SCFD2: variants seen among roughly 807,000 people sequenced by gnomAD.
The protein encoded by SCFD2 is sec1 family domain containing 2, also known as sec1 family domain-containing protein 2.
In SCFD2, 54 loss-of-function variants were observed where a neutral mutation model predicts 58.9. The ratio of observed to expected loss-of-function variants is 0.92; its 90% confidence interval spans 0.74 to 1.15. SCFD2 has a LOEUF of 1.15. Ranked by LOEUF, SCFD2 falls within the 50% of genes most tolerant of loss-of-function variation. The pLI is 0.00. For missense variants in SCFD2, 805 were observed against 836.6 expected (o/e 0.96, Z 0.47); for synonymous variants, 321 against 335.9 (o/e 0.96, Z 0.49).
chr4:53,172,472 G>A (rs1382799361), intron 4 of SCFD2, among the ~76,000 whole-genome samples: 2 of 152,088 alleles, frequency 1.3e-5, no homozygotes, highest in African/African-American at 4.8e-5. Flanking sequence ...TGATATAGGT[G>A]TTTATTGCTA....
chr4:53,223,487 T>C (rs931929620), intron 4 of SCFD2, among the ~76,000 whole-genome samples: 9 of 152,218 alleles, frequency 5.9e-5, no homozygotes, highest in African/African-American at 2.2e-4. Context: ...AGTCACACCC[T>C]GCCATGTGAG....
chr4:53,351,022 TTC>T (rs1372089038), intron 2 of SCFD2, among the ~76,000 whole-genome samples: 1 of 152,200 alleles, frequency 6.6e-6, no homozygotes, highest in East Asian at 1.9e-4. Flanking sequence ...AAGTCAAACA[TTC>T]TGGACTCATT....
At chr4:52,937,547 T>C (rs944140030) in intron 5 of SCFD2, among the ~76,000 whole-genome samples, 3 of 152,134 alleles carry the variant, frequency 2.0e-5, no homozygotes, top group African/African-American at 7.2e-5. Context: ...GTCTCCTCCA[T>C]CCCTTCCCGA....
intron 7 of SCFD2, among the ~76,000 whole-genome samples, chr4:52,898,782 G>A (rs1265819901): frequency 1.3e-5 from 2 of 152,172 alleles, no homozygotes; most frequent in South Asian, 2.1e-4. Context: ...TATTGTGTGG[G>A]AGTCTAAGTC....
intron 2 of SCFD2, among the ~76,000 whole-genome samples, chr4:53,327,203 G>A (rs1733229962): frequency 6.6e-6 from 1 of 152,006 alleles, no homozygotes; most frequent in Non-Finnish European, 1.5e-5. Flanking sequence ...ACAAGGTGTT[G>A]GGATCCAAGC....
rs534155894 is a variant in SCFD2, at chr4:53,207,264, T to C, written c.1312-61682A>G. Among the ~76,000 whole-genome samples the C allele has an allele frequency of 4.0e-5, 6 of 148,182 alleles. No individual in the cohort carries two copies. The South Asian group carries it at 8.5e-4, about 21-fold the overall frequency. ...AACCTATGAACTTTTGGGGGACACA[T>C]TCAAACCACAGCACTGACAAAACCT... On this transcript the variant is annotated intron_variant, in intron 4 of 8. Transcript: ENST00000401642.
chr4:52,938,086 C>A (rs923438200), intron 5 of SCFD2, among the ~76,000 whole-genome samples: 9 of 152,180 alleles, frequency 5.9e-5, no homozygotes, highest in Non-Finnish European at 1.0e-4. Context: ...CTGCATCACA[C>A]TTCCTCTGCA....
At chr4:53,295,828 T>C (rs1175191083) in intron 3 of SCFD2, among the ~76,000 whole-genome samples, 2 of 152,242 alleles carry the variant, frequency 1.3e-5, no homozygotes, top group Admixed American at 1.3e-4. Flanking sequence ...CATAGTTTAT[T>C]GAGAGTTTTT....
At chr4:52,891,982 T>A (rs1718888583) in intron 7 of SCFD2, among the ~76,000 whole-genome samples, 1 of 152,242 alleles carries the variant, frequency 6.6e-6, no homozygotes, top group South Asian at 2.1e-4. Context: ...CATCCTCCCT[T>A]GGTGGCCCTG....
At chr4:53,265,916 T>C (rs1460892358) in intron 4 of SCFD2, among the ~76,000 whole-genome samples, 1 of 151,882 alleles carries the variant, frequency 6.6e-6, no homozygotes, top group African/African-American at 2.4e-5. Context: ...ATTTTTTTTT[T>C]TCATTTTTAG....
chr4:53,137,076 T>C (rs1479608480), intron 5 of SCFD2, among the ~76,000 whole-genome samples: 1 of 152,198 alleles, frequency 6.6e-6, no homozygotes, highest in Non-Finnish European at 1.5e-5. Context: ...AATGTACATT[T>C]TCACTTTCTA....
At chr4:53,337,834 T>C (rs1359194489) in intron 2 of SCFD2, among the ~76,000 whole-genome samples, 2 of 152,314 alleles carry the variant, frequency 1.3e-5, no homozygotes, top group Middle Eastern at 6.8e-3. Context: ...AATTTGTGCA[T>C]TTCTCAATTT....
At chr4:53,323,355 A>G in intron 2 of SCFD2, among the ~76,000 whole-genome samples, 1 of 152,020 alleles carries the variant, frequency 6.6e-6, no homozygotes, top group East Asian at 1.9e-4. Flanking sequence ...TGAGGAGAGA[A>G]GAATATACAG....
At chr4:53,267,375 G>A (rs998588029) in intron 4 of SCFD2, among the ~76,000 whole-genome samples, 31 of 152,256 alleles carry the variant, frequency 2.0e-4, no homozygotes, top group African/African-American at 5.3e-4. Context: ...ACTAATGGAT[G>A]AGTATATACT....
At position 52,873,995 on chromosome 4, in the gene SCFD2, G is replaced by T. The variant is rs375179896; in HGVS notation, c.2029C>A (p.Arg677=). Residue 677 remains arginine, a synonymous_variant, in exon 9 of 9, where the codon CGA becomes AGA. Transcript: ENST00000401642. ...CAGAAGCCAAGGTCTGGATGCAGTC[G>T]GTCAGTTGCAAATAACAGCTCAGGA... ...NIPELLFATD[R]LHPDLGF is the part of the protein sequence containing the mutation. The T allele has an allele frequency of 1.2e-6, 2 of 1,613,772 alleles. No homozygotes were observed. The highest frequency in any genetic ancestry group is 2.7e-5 in the African/African-American group (2 of 74,874).
intron 2 of SCFD2, among the ~76,000 whole-genome samples, chr4:53,336,610 G>A (rs187427853): frequency 1.1e-4 from 17 of 151,872 alleles, no homozygotes; most frequent in Admixed American, 5.9e-4. Flanking sequence ...CCGTAGCCTC[G>A]AACTCCTGGG....
At chr4:53,057,426 T>C (rs1002784036) in intron 5 of SCFD2, among the ~76,000 whole-genome samples, 10 of 152,098 alleles carry the variant, frequency 6.6e-5, no homozygotes, top group Non-Finnish European at 5.9e-5. Context: ...CTGGAAGCCA[T>C]CATCCTCAGC....
intron 4 of SCFD2, among the ~76,000 whole-genome samples, chr4:53,186,384 G>A (rs1727737229): frequency 6.6e-6 from 1 of 152,104 alleles, no homozygotes; most frequent in Admixed American, 6.5e-5. Flanking sequence ...CAAGTTTCTG[G>A]GGAGGCAGAC....
chr4:53,093,632 G>A (rs1301397574), intron 5 of SCFD2, among the ~76,000 whole-genome samples: 2 of 151,966 alleles, frequency 1.3e-5, no homozygotes, highest in African/African-American at 2.4e-5. Flanking sequence ...AGAATACCAC[G>A]CAACCATAAA....
Sources: allele counts gnomAD v4.1 joint callset (sites outside exome capture counted in the v4.1 genomes callset), GRCh38; gene constraint gnomAD v4.1.1; transcripts MANE v1.5; gene names NCBI Gene and HGNC (gene_info 2026-07-23, HGNC 2026-07-21).